TTBK2: variants seen among roughly 807,000 people sequenced by gnomAD.
TTBK2 encodes tau tubulin kinase 2, also known as tau-tubulin kinase 2.
TTBK2 carries 28 observed loss-of-function variants against 110.8 expected under a neutral mutation model. The ratio of observed to expected loss-of-function variants is 0.25; its 90% CI spans 0.19 to 0.35. The LOEUF (loss-of-function observed/expected upper bound fraction) is 0.35. Among genes scored for constraint, TTBK2 ranks in the 10% least tolerant of loss-of-function variants. TTBK2 has a pLI of 1.00. For synonymous variants in TTBK2, 532 were observed against 527.3 expected (o/e 1.01, Z -0.12); for missense variants, 1,369 against 1,500.3 (o/e 0.91, Z 1.45).
Position 42,815,958 on chromosome 15 carries a change from A to ATAT in TTBK2, c.603+1073_603+1074insATA, listed in dbSNP as rs1555427627. Among the ~76,000 whole-genome samples, 785 of 91,662 alleles carry ATAT rather than the reference A, an allele frequency of 8.6e-3. 51 individuals are homozygous for ATAT. The highest frequency in any genetic ancestry group is 0.028 in the African/African-American group (448 of 16,138). 60.1% of individuals were successfully genotyped at this position (91,662 alleles called of 152,430 possible). A position where few individuals can be genotyped will look rare whatever the true frequency, so the allele number is the denominator to read the frequency against. ...TATATATATATATATTTAAAAAAAAAATATATATATATATATATATTTGAG... is the reference window on the plus strand; with the variant it reads ...TATATATATATATATTTAAAAAAAAATATATATATATATATATATATATTTGAG... On this transcript the variant is annotated intron_variant, in intron 7 of 14. Transcript: ENST00000267890.
chr15:42,855,846 G>A (rs1013044028), intron 3 of TTBK2, among the ~76,000 whole-genome samples: 11 of 152,006 alleles, frequency 7.2e-5, no homozygotes, highest in African/African-American at 1.9e-4. Context: ...CACCTCGCCC[G>A]GCTAATTTTT....
intron 13 of TTBK2, among the ~76,000 whole-genome samples, chr15:42,760,570 G>C (rs965760882): frequency 1.3e-5 from 2 of 151,944 alleles, no homozygotes; most frequent in African/African-American, 4.8e-5. Context: ...TAGATTTTCT[G>C]TATTTTATTT....
chr15:42,856,178 A>C (rs1335095878), intron 3 of TTBK2, among the ~76,000 whole-genome samples: 1 of 152,192 alleles, frequency 6.6e-6, no homozygotes, highest in East Asian at 1.9e-4. Context: ...GCAATCCCTA[A>C]TGAAAACAAT....
intron 1 of TTBK2, among the ~76,000 whole-genome samples, chr15:42,919,208 AT>A (rs1434791296): frequency 2.6e-5 from 4 of 152,250 alleles, no homozygotes; most frequent in Non-Finnish European, 4.4e-5. Context: ...TATTTGAAAC[AT>A]TTTTTGACTT....
chr15:42,763,147 T>TATATATACACAC (rs1567008704), intron 13 of TTBK2, among the ~76,000 whole-genome samples: 1 of 74,622 alleles, frequency 1.3e-5, no homozygotes, highest in African/African-American at 7.9e-5. Context: ...TACATACATA[T>TATATATACACAC]ATATATATAC....
rs149015261 is a variant in TTBK2 at position 42,840,514 on chromosome 15, G to C, written c.218-81C>G. ...TTAATAATTTGCTTTTCTGTATAGT[G>C]TTTTATGATTGAATATAAAATACAT... On this transcript the variant is annotated intron_variant, in intron 3 of 14. Transcript: ENST00000267890. 15 of 1,226,960 alleles carry C rather than the reference G, an allele frequency of 1.2e-5. No homozygotes were observed. The African/African-American group carries it at 2.1e-4, about 17-fold the overall frequency. The allele number at this position is 1,226,960 out of a possible 1,614,324, so 76.0% of individuals were successfully genotyped here. A position where few individuals can be genotyped will look rare whatever the true frequency, so the allele number is the denominator to read the frequency against.
intron 4 of TTBK2, among the ~76,000 whole-genome samples, chr15:42,838,135 G>T (rs564367835): frequency 6.6e-6 from 1 of 152,210 alleles, no homozygotes; most frequent in East Asian, 1.9e-4. Context: ...TTGAACCCGG[G>T]AGGCGGAGGT....
At chr15:42,818,668 G>A (rs575434450) in intron 6 of TTBK2, among the ~76,000 whole-genome samples, 64 of 152,092 alleles carry the variant, frequency 4.2e-4, no homozygotes, top group African/African-American at 1.4e-3. Context: ...TAAAGTGAGC[G>A]GAGATCGCGC....
At chr15:42,807,330 C>A (rs1347866247) in intron 9 of TTBK2, among the ~76,000 whole-genome samples, 2 of 152,246 alleles carry the variant, frequency 1.3e-5, no homozygotes, top group East Asian at 3.9e-4. Flanking sequence ...TTAGTCTTCT[C>A]AACTTGCTAA....
chr15:42,788,086 T>C (rs1235798677), intron 10 of TTBK2, among the ~76,000 whole-genome samples: 1 of 152,048 alleles, frequency 6.6e-6, no homozygotes, highest in Non-Finnish European at 1.5e-5. Context: ...AGAGTAAAAC[T>C]ACAGTATTGT....
intron 3 of TTBK2, among the ~76,000 whole-genome samples, chr15:42,866,392 TAAC>T (rs1201659861): frequency 3.3e-5 from 5 of 152,288 alleles, no homozygotes; most frequent in South Asian, 2.1e-4. Context: ...TGCATGCATC[TAAC>T]AACAGAGCTT....
intron 13 of TTBK2, among the ~76,000 whole-genome samples, chr15:42,767,299 C>G (rs1459941157): frequency 6.6e-6 from 1 of 151,914 alleles, no homozygotes; most frequent in Non-Finnish European, 1.5e-5. Flanking sequence ...ACAAAAAAAC[C>G]CTTCAAAAAA....
intron 3 of TTBK2, among the ~76,000 whole-genome samples, chr15:42,866,450 T>C (rs558702720): frequency 3.4e-4 from 51 of 152,184 alleles, no homozygotes; most frequent in African/African-American, 1.2e-3. Context: ...AGGAGAAAGA[T>C]GAATGCACTA....
intron 4 of TTBK2, among the ~76,000 whole-genome samples, chr15:42,833,425 G>A (rs1472504782): frequency 6.6e-6 from 1 of 152,082 alleles, no homozygotes; most frequent in Non-Finnish European, 1.5e-5. Context: ...GAACCTTCAT[G>A]TATCTACTGG....
At chr15:42,905,739 G>C (rs1431335052) in intron 1 of TTBK2, among the ~76,000 whole-genome samples, 2 of 152,098 alleles carry the variant, frequency 1.3e-5, no homozygotes, top group Non-Finnish European at 2.9e-5. Flanking sequence ...ACTGTACCTA[G>C]ATTCAAATTC....
At chr15:42,748,060 T>C (rs2061819212) in intron 14 of TTBK2, among the ~76,000 whole-genome samples, 1 of 152,208 alleles carries the variant, frequency 6.6e-6, no homozygotes, top group South Asian at 2.1e-4. Flanking sequence ...TTCAGTTCCA[T>C]GAACACTAAA....
chr15:42,898,162 ACTC>A (rs1042880817), intron 1 of TTBK2, among the ~76,000 whole-genome samples: 9 of 152,118 alleles, frequency 5.9e-5, no homozygotes, highest in Admixed American at 1.3e-4. Context: ...ATGACAAACA[ACTC>A]CTCAAATGAG....
intron 1 of TTBK2, among the ~76,000 whole-genome samples, chr15:42,914,578 C>G (rs1479469215): frequency 3.9e-5 from 6 of 152,062 alleles, no homozygotes; most frequent in African/African-American, 1.4e-4. Flanking sequence ...AAGTAGAAAC[C>G]CATATTGGAG....
At chr15:42,787,451 C>T (rs989939791) in intron 10 of TTBK2, among the ~76,000 whole-genome samples, 55 of 152,288 alleles carry the variant, frequency 3.6e-4, no homozygotes, top group African/African-American at 1.3e-3. Flanking sequence ...CAAACTTTTT[C>T]TTAGAGGGCA....
Sources: allele counts gnomAD v4.1 joint callset (sites outside exome capture counted in the v4.1 genomes callset), GRCh38; gene constraint gnomAD v4.1.1; transcripts MANE v1.5; gene names NCBI Gene and HGNC (gene_info 2026-07-23, HGNC 2026-07-21).